The following BIRC6 variants were observed in gnomAD, a reference collection of about 807,000 sequenced individuals.
BIRC6 encodes dual E2 ubiquitin-conjugating enzyme/E3 ubiquitin-protein ligase BIRC6.
In BIRC6, 98 loss-of-function variants were observed where a neutral mutation model predicts 503.3. The ratio of observed to expected loss-of-function variants is 0.19; its 90% confidence interval spans 0.17 to 0.23. BIRC6 has a LOEUF of 0.23. BIRC6 is among the 10% of genes least tolerant of loss of function. The pLI is 1.00. For synonymous variants in BIRC6, 2,240 were observed against 2,078.7 expected (o/e 1.08, Z -2.11); for missense variants, 5,360 against 5,806.0 (o/e 0.92, Z 2.50).
At position 32,503,038 on chromosome 2, in the gene BIRC6, T is replaced by A; in HGVS notation, c.9305-4T>A. ...ATTTCATTTCATATTCTTTATAAAT[T>A]TAGGTGGTGTTCAGCTCATATGCAA... On this transcript the variant is annotated splice_region_variant and splice_polypyrimidine_tract_variant and intron_variant, in intron 48 of 73. Coordinates refer to ENST00000421745, the MANE Select transcript of BIRC6 (RefSeq NM_016252.4). The A allele has an allele frequency of 6.4e-7, 1 of 1,570,766 alleles. No homozygotes were observed. Among genetic ancestry groups the A allele is most frequent in the Non-Finnish European group, 8.6e-7 (1 of 1,157,488 alleles).
intron 53 of BIRC6, among the ~76,000 whole-genome samples, chr2:32,511,201 CTTTTTTTTTTTTTTTT>C: frequency 4.3e-4 from 21 of 48,586 alleles, no homozygotes; most frequent in African/African-American, 1.8e-3. Flanking sequence ...CTTTTCTTTT[CTTTTTTTTTTTTTTTT>C]TTTTTTTTTT....
chr2:32,582,993 G>C (rs534130108), intron 66 of BIRC6, among the ~76,000 whole-genome samples: 1 of 152,092 alleles, frequency 6.6e-6, no homozygotes, highest in Admixed American at 6.6e-5. Flanking sequence ...ACTTTAAGCC[G>C]TGTTTTAAGT....
chr2:32,416,055 A>T lies in BIRC6; in HGVS notation c.2764A>T (p.Ile922Phe). The T allele has an allele frequency of 3.1e-6, 5 of 1,613,976 alleles. No individual in the cohort carries two copies. Among genetic ancestry groups the T allele is most frequent in the Non-Finnish European group, 4.2e-6 (5 of 1,179,892 alleles). ...VKILDLSNFE[I>F]LAKVEPPKKE... ...AATACTAGATCTTTCAAACTTTGAA[A>T]TTTTGGCCAAAGTGGAGCCTCCCAA... Residue 922 changes from isoleucine to phenylalanine, a missense_variant, in exon 10 of 74, where the codon ATT becomes TTT. Coordinates refer to ENST00000421745, the MANE Select transcript of BIRC6 (RefSeq NM_016252.4).
At chr2:32,575,755 A>T (rs2060225241) in intron 66 of BIRC6, among the ~76,000 whole-genome samples, 2 of 151,118 alleles carry the variant, frequency 1.3e-5, no homozygotes, top group South Asian at 4.2e-4. Context: ...ACAGAGCGAG[A>T]CTCCGTCTCA....
intron 41 of BIRC6, among the ~76,000 whole-genome samples, chr2:32,488,073 GCTTGAGTTTGTAGTCCTAGCT>G (rs1244224237): frequency 3.2e-4 from 48 of 151,952 alleles, no homozygotes; most frequent in African/African-American, 1.1e-3. Context: ...GGGCATGGTG[GCTTGAGTTTGTAGTCCTAGCT>G]ACTCAGGAGG....
intron 3 of BIRC6, among the ~76,000 whole-genome samples, chr2:32,384,717 A>C (rs2038190519): frequency 6.6e-6 from 1 of 152,112 alleles, no homozygotes; most frequent in Non-Finnish European, 1.5e-5. Context: ...TGGTACAGGG[A>C]AGTTTACATT....
rs2063342581 is a variant in BIRC6 at position 32,617,874 on chromosome 2, C to A, written c.14544C>A (p.Ser4848Arg). The A allele has an allele frequency of 6.2e-7, 1 of 1,613,494 alleles. No individual in the cohort carries two copies. The highest frequency in any genetic ancestry group is 1.3e-5 in the African/African-American group (1 of 74,924). ...LMHDQVKPSS[S>R]KELPSDFQL ...ATGATCAGGTTAAACCCAGCAGCAGCAAAGAACTCCCCAGTGACTTCCAGT... is the reference window on the plus strand; with the variant it reads ...ATGATCAGGTTAAACCCAGCAGCAGAAAAGAACTCCCCAGTGACTTCCAGT... The change falls in exon 74 of 74, where the codon AGC (serine) becomes AGA (arginine). Residue 4848 changes from serine to arginine, a missense_variant. Coordinates refer to ENST00000421745, the MANE Select transcript of BIRC6 (RefSeq NM_016252.4).
chr2:32,515,124 C>T lies in BIRC6; in HGVS notation c.10703C>T (p.Pro3568Leu), dbSNP rs772096320. The T allele has an allele frequency of 5.0e-6, 8 of 1,613,826 alleles. No homozygotes were observed. The highest frequency in any genetic ancestry group is 3.3e-5 in the Admixed American group (2 of 60,004). ...SLLMGWMGIT[P>L]PPVQCHHRLS... is the part of the protein sequence containing the mutation. ...CTCATGGGCTGGATGGGAATTACCCCTCCTCCAGTGCAATGTCATCATAGA... is the reference window on the plus strand; with the variant it reads ...CTCATGGGCTGGATGGGAATTACCCTTCCTCCAGTGCAATGTCATCATAGA... Residue 3568 changes from proline (P) to leucine (L), a missense_variant, in exon 55 of 74, where the codon CCT becomes CTT. This residue lies in a region of BIRC6 where 878 missense variants were observed against 928.9 expected (regional missense o/e 0.95). Coordinates refer to ENST00000421745, the MANE Select transcript of BIRC6 (RefSeq NM_016252.4).
chr2:32,518,987 T>A, intron 57 of BIRC6, 41 bp downstream of exon 57: 2 of 1,572,450 alleles, frequency 1.3e-6, no homozygotes, highest in Non-Finnish European at 1.7e-6. Context: ...TAACTTTATG[T>A]TTGATGTATA....
chr2:32,537,227 G>A (rs896626092), intron 61 of BIRC6, among the ~76,000 whole-genome samples: 2 of 152,058 alleles, frequency 1.3e-5, no homozygotes, highest in Non-Finnish European at 1.5e-5. Flanking sequence ...ACAGATCAAC[G>A]AGACAGAAAG....
intron 2 of BIRC6, chr2:32,378,875 A>C (rs539607432): frequency 1.3e-5 from 2 of 152,338 alleles, no homozygotes; most frequent in South Asian, 4.1e-4. Flanking sequence ...AGTCTAGCCC[A>C]ACTTAAATTC....
intron 21 of BIRC6, among the ~76,000 whole-genome samples, chr2:32,446,936 T>G (rs1185823722): frequency 8.9e-6 from 1 of 112,162 alleles, no homozygotes; most frequent in Non-Finnish European, 1.8e-5. Flanking sequence ...TACTTAAGAT[T>G]AGGGAGTGGT....
chr2:32,506,544 T>A (rs912179687), intron 50 of BIRC6, among the ~76,000 whole-genome samples: 3 of 152,236 alleles, frequency 2.0e-5, no homozygotes, highest in Non-Finnish European at 4.4e-5. Context: ...TGCTTTTATT[T>A]GGAAAGCAAA....
intron 14 of BIRC6, 66 bp downstream of exon 14, chr2:32,435,651 C>G: frequency 6.9e-7 from 1 of 1,443,506 alleles, no homozygotes; most frequent in Non-Finnish European, 9.2e-7. Flanking sequence ...TGCAACATGT[C>G]GGGCAAGATT....
chr2:32,564,317 CG>C (rs2059390199), intron 65 of BIRC6: 1 of 152,156 alleles, frequency 6.6e-6, no homozygotes, highest in African/African-American at 2.4e-5. Context: ...ATAACTTCTT[CG>C]GGCTGAACAA....
chr2:32,477,317 A>AC (rs1190404359), intron 34 of BIRC6, 51 bp from the exon 35 acceptor site: 10 of 1,568,708 alleles, frequency 6.4e-6, no homozygotes, highest in Non-Finnish European at 7.8e-6. Flanking sequence ...ATACTGAAAA[A>AC]ATTTTCATTA....
At chr2:32,598,483 A>T (rs1258459189) in intron 69 of BIRC6, among the ~76,000 whole-genome samples, 1 of 152,060 alleles carries the variant, frequency 6.6e-6, no homozygotes, top group Non-Finnish European at 1.5e-5. Flanking sequence ...GTTTTTTTTA[A>T]ATTCCTAACA....
intron 26 of BIRC6, among the ~76,000 whole-genome samples, chr2:32,466,368 A>G (rs2048542122): frequency 1.3e-5 from 2 of 152,156 alleles, no homozygotes; most frequent in South Asian, 4.1e-4. Flanking sequence ...TTCTTTACCT[A>G]TCTCATCTGG....
At chr2:32,436,894 T>C (rs1176969902) in intron 15 of BIRC6, among the ~76,000 whole-genome samples, 3 of 146,522 alleles carry the variant, frequency 2.0e-5, no homozygotes, top group East Asian at 4.0e-4. Context: ...TTCTTTTTTT[T>C]TTTTTTTTTT....
Sources: allele counts gnomAD v4.1 joint callset (sites outside exome capture counted in the v4.1 genomes callset), GRCh38; gene constraint gnomAD v4.1.1; regional missense constraint gnomAD v4.1.1; transcripts MANE v1.5; gene names NCBI Gene and HGNC (gene_info 2026-07-23, HGNC 2026-07-21).